Variants in ROBO2 observed in about 807,000 individuals in gnomAD.
ROBO2 encodes the protein roundabout guidance receptor 2.
In ROBO2, 53 loss-of-function variants were observed where a neutral mutation model predicts 160.8. The ratio of observed to expected loss-of-function variants is 0.33; its 90% CI spans 0.26 to 0.41. The LOEUF (loss-of-function observed/expected upper bound fraction) is 0.41. ROBO2 is among the 10% of genes least tolerant of loss of function. The pLI is 1.00. For synonymous variants in ROBO2, 664 were observed against 611.7 expected (o/e 1.09, Z -1.26); for missense variants, 1,577 against 1,722.4 (o/e 0.92, Z 1.49).
intron 2 of ROBO2, among the ~76,000 whole-genome samples, chr3:76,208,149 C>G (rs1702922073): frequency 1.3e-5 from 2 of 152,214 alleles, no homozygotes; most frequent in Middle Eastern, 3.4e-3. Flanking sequence ...TCCTGTACAG[C>G]CTGTGGAGCC....
intron 2 of ROBO2, among the ~76,000 whole-genome samples, chr3:76,032,243 C>T (rs890640719): frequency 1.3e-5 from 2 of 152,004 alleles, no homozygotes; most frequent in African/African-American, 4.8e-5. Context: ...TGATTCTTCT[C>T]TCTTTTCTTC....
intron 2 of ROBO2, among the ~76,000 whole-genome samples, chr3:76,148,562 C>T (rs1223248878): frequency 1.3e-5 from 2 of 152,050 alleles, no homozygotes; most frequent in Non-Finnish European, 2.9e-5. Context: ...GGGCCTATCC[C>T]AATCAGACTC....
intron 2 of ROBO2, among the ~76,000 whole-genome samples, chr3:77,199,488 G>A (rs1343023236): frequency 6.6e-6 from 1 of 152,116 alleles, no homozygotes; most frequent in Non-Finnish European, 1.5e-5. Context: ...AAGTTCAGCT[G>A]TTTTTATTAC....
intron 2 of ROBO2, among the ~76,000 whole-genome samples, chr3:77,136,479 C>CTTT (rs59688881): frequency 4.4e-5 from 3 of 67,884 alleles, no homozygotes; most frequent in African/African-American, 6.0e-5. Context: ...ATAAAATATG[C>CTTT]TTTTTTTTTT....
intron 1 of ROBO2, among the ~76,000 whole-genome samples, chr3:77,051,006 A>T (rs1488783095): frequency 7.2e-6 from 1 of 138,146 alleles, no homozygotes; most frequent in African/African-American, 2.7e-5. Flanking sequence ...TGACAGAGGG[A>T]GACCCTGTCT....
intron 2 of ROBO2, among the ~76,000 whole-genome samples, chr3:77,121,104 G>A (rs542724920): frequency 5.7e-4 from 87 of 151,792 alleles, no homozygotes; most frequent in Non-Finnish European, 1.1e-3. Flanking sequence ...GCCACCATGC[G>A]AGGCTAATTT....
At chr3:77,257,341 T>C (rs1348874707) in intron 2 of ROBO2, among the ~76,000 whole-genome samples, 1 of 152,166 alleles carries the variant, frequency 6.6e-6, no homozygotes, top group African/African-American at 2.4e-5. Flanking sequence ...GTGCTTTTTA[T>C]GGCTGAGAAG....
chr3:76,222,578 T>C (rs1704038322), intron 2 of ROBO2, among the ~76,000 whole-genome samples: 1 of 150,678 alleles, frequency 6.6e-6, no homozygotes, highest in African/African-American at 2.4e-5. Context: ...CTGTGACCAA[T>C]TATTACTTTA....
intron 2 of ROBO2, among the ~76,000 whole-genome samples, chr3:76,418,927 G>A (rs1214701923): frequency 6.6e-6 from 1 of 152,132 alleles, no homozygotes; most frequent in Non-Finnish European, 1.5e-5. Context: ...CAGTGTAACT[G>A]TTCATGCAGT....
rs2064113602 is a variant in ROBO2 at position 77,317,366 on chromosome 3, T to G, written c.389-160048T>G. 4 of 910,926 alleles carry G rather than the reference T, an allele frequency of 4.4e-6. No homozygotes were observed. In the East Asian group the frequency reaches 7.4e-5, roughly 17 times the overall value. The allele number at this position is 910,926 out of a possible 1,614,324, so 56.4% of individuals were successfully genotyped here. A position where few individuals can be genotyped will look rare whatever the true frequency, so the allele number is the denominator to read the frequency against. On this transcript the variant is annotated intron_variant, in intron 2 of 25. Coordinates refer to ENST00000461745, the Ensembl canonical transcript of ROBO2. ...GACCGTCCACGCTCATCTCGGTGCC[T>G]AGTGTATTGTCGGGGTTCCATTTCT...
chr3:77,328,866 C>G (rs1352330648), intron 2 of ROBO2, among the ~76,000 whole-genome samples: 1 of 152,210 alleles, frequency 6.6e-6, no homozygotes, highest in Non-Finnish European at 1.5e-5. Context: ...CTGATACATC[C>G]TGTGAAAAAT....
chr3:76,131,503 C>G (rs568795200), intron 2 of ROBO2, among the ~76,000 whole-genome samples: 1 of 152,006 alleles, frequency 6.6e-6, no homozygotes, highest in Non-Finnish European at 1.5e-5. Flanking sequence ...AAGAGTCAAG[C>G]AGGATCTCAC....
At chr3:76,348,781 C>G (rs1018182028) in intron 2 of ROBO2, among the ~76,000 whole-genome samples, 2 of 152,042 alleles carry the variant, frequency 1.3e-5, no homozygotes, top group Non-Finnish European at 2.9e-5. Context: ...TCAGCCAAGG[C>G]CGTCTAACCA....
At chr3:76,088,000 CAT>C (rs914949558) in intron 2 of ROBO2, among the ~76,000 whole-genome samples, 1 of 151,888 alleles carries the variant, frequency 6.6e-6, no homozygotes, top group Non-Finnish European at 1.5e-5. Flanking sequence ...TCTAAAGACT[CAT>C]AGATTAAAAG....
In ROBO2 at chr3:76,335,778, G is replaced by A. The variant is rs184112453; in HGVS notation, c.109+398176G>A. Among the ~76,000 whole-genome samples the A allele has an allele frequency of 2.0e-3, 307 of 151,906 alleles. 2 individuals carry two copies. Among genetic ancestry groups the A allele is most frequent in the Non-Finnish European group, 3.2e-3 (217 of 67,938 alleles). ...TTTTTAGTAGAGACAGGGTTTCACC[G>A]TGTTAGCCAGGATGGTCTCGATCTC... On this transcript the variant is annotated intron_variant, in intron 2 of 26. Coordinates refer to the ROBO2 transcript ENST00000487694.
intron 1 of ROBO2, among the ~76,000 whole-genome samples, chr3:75,935,947 G>A (rs1947759392): frequency 6.6e-6 from 1 of 152,218 alleles, no homozygotes; most frequent in African/African-American, 2.4e-5. Context: ...TAGCTGTGAA[G>A]TGGTAAATGT....
rs377570319 is a variant in ROBO2 at position 76,540,115 on chromosome 3, C to CA, written c.110-557889dup. Reference sequence around the variant, plus strand: ...ACAGAGTTGAGTATGCATGAGGAAACAAAAAAAAAAGGTTTGTTGGAAGAG... The same window carrying CA: ...ACAGAGTTGAGTATGCATGAGGAAACAAAAAAAAAAAGGTTTGTTGGAAGAG... On this transcript the variant is annotated intron_variant, in intron 2 of 26. Coordinates refer to the ROBO2 transcript ENST00000487694. Among the ~76,000 whole-genome samples, 1,048 of 138,920 alleles carry CA rather than the reference C, an allele frequency of 7.5e-3. 13 individuals carry two copies. The highest frequency in any genetic ancestry group is 0.025 in the African/African-American group (946 of 37,972). The allele number at this position is 138,920 out of a possible 152,430, so 91.1% of individuals were successfully genotyped here. A position where few individuals can be genotyped will look rare whatever the true frequency, so the allele number is the denominator to read the frequency against.
At chr3:76,174,046 A>T (rs571151910) in intron 2 of ROBO2, among the ~76,000 whole-genome samples, 2 of 152,204 alleles carry the variant, frequency 1.3e-5, no homozygotes, top group African/African-American at 4.8e-5. Flanking sequence ...CTTTTTAATG[A>T]TCACCATTCT....
chr3:76,222,582 T>C (rs1043567728), intron 2 of ROBO2, among the ~76,000 whole-genome samples: 1 of 152,016 alleles, frequency 6.6e-6, no homozygotes, highest in African/African-American at 2.4e-5. Context: ...GACCAATTAT[T>C]ACTTTAGAAA....
Sources: gnomAD v4.1 joint callset for allele counts (sites outside exome capture counted in the v4.1 genomes callset) on GRCh38, gnomAD v4.1.1 for gene constraint, MANE v1.5 for transcripts, NCBI Gene and HGNC (gene_info 2026-07-23, HGNC 2026-07-21) for gene names.